YTHDC2: variants seen among roughly 807,000 people sequenced by gnomAD.
YTHDC2 encodes YTH N6-methyladenosine RNA binding protein C2, also known as 3'-5' RNA helicase YTHDC2.
YTHDC2 carries 45 observed loss-of-function variants against 174.9 expected under a neutral mutation model. The ratio of observed to expected loss-of-function variants is 0.26; its 90% confidence interval spans 0.20 to 0.33. The LOEUF is 0.33. Ranked by LOEUF, YTHDC2 falls within the 10% of genes least tolerant of loss-of-function variation. The pLI, the probability that YTHDC2 is intolerant of heterozygous loss-of-function variation, is 1.00. For missense variants in YTHDC2, 1,650 were observed against 1,723.7 expected, an observed-to-expected ratio of 0.96 and a Z score of 0.76; for synonymous variants, 657 against 574.5, an observed-to-expected ratio of 1.14 and a Z score of -2.05.
chr5:113,563,250 G>T, intron 18 of YTHDC2, 123 bp from the exon 19 acceptor site: 2 of 789,878 alleles, frequency 2.5e-6, no homozygotes, highest in East Asian at 2.8e-5. Flanking sequence ...TCCTTCTACT[G>T]TTCATTCTAA....
intron 26 of YTHDC2, among the ~76,000 whole-genome samples, chr5:113,590,628 C>T (rs1459706819): frequency 6.6e-6 from 1 of 152,222 alleles, no homozygotes; most frequent in Non-Finnish European, 1.5e-5. Flanking sequence ...ACTTCGGTCT[C>T]TGAACTCCAG....
intron 26 of YTHDC2, among the ~76,000 whole-genome samples, chr5:113,589,395 T>TAAAA (rs1156968093): frequency 8.7e-5 from 10 of 114,456 alleles, no homozygotes; most frequent in African/African-American, 2.9e-4. Context: ...TTTTAAAAAT[T>TAAAA]AAAAAAAAAA....
intron 12 of YTHDC2, among the ~76,000 whole-genome samples, chr5:113,552,785 A>C (rs1288770961): frequency 3.9e-5 from 6 of 152,090 alleles, no homozygotes; most frequent in African/African-American, 1.2e-4. Context: ...CCAGCAATGC[A>C]TGAGGGTTTA....
rs1372554182 is a variant in YTHDC2, at chr5:113,595,018, T to C, written c.*1544T>C. ...ATTATATTCCACTGTATGTGTATTA[T>C]GGCTCTTTTCCTATTAGAGCAACTT... On this transcript the variant is annotated 3_prime_UTR_variant, in exon 30 of 30. Coordinates refer to ENST00000161863, the MANE Select transcript of YTHDC2 (RefSeq NM_022828.5). The C allele has an allele frequency of 6.6e-6, 1 of 152,178 alleles. No homozygotes were observed. The allele number at this position is 152,178 out of a possible 1,614,324, so 9.4% of individuals were successfully genotyped here.
chr5:113,592,211 T>A, intron 28 of YTHDC2, 33 bp downstream of exon 28: 1 of 1,513,932 alleles, frequency 6.6e-7, no homozygotes, highest in Non-Finnish European at 8.9e-7. Context: ...TTATTTACTT[T>A]TGTTTCTGTT....
Position 113,567,252 on chromosome 5 carries a change from A to G in YTHDC2, c.3003A>G (p.Val1001=). The change falls in exon 22 of 30, where the codon GTA becomes GTG. Residue 1001 remains valine, a synonymous_variant. Coordinates refer to ENST00000161863, the MANE Select transcript of YTHDC2 (RefSeq NM_022828.5). ...LVLTGPKEKK[V]RFHPASVLSQ... ...TGACAGGGCCAAAGGAGAAAAAAGT[A>G]CGATTTCATCCTGCTTCAGTTCTCA... The G allele has an allele frequency of 6.2e-7, 1 of 1,613,290 alleles. No individual in the cohort carries two copies. The highest frequency in any genetic ancestry group is 1.1e-5 in the South Asian group (1 of 90,934).
intron 28 of YTHDC2, 54 bp from the exon 29 acceptor site, chr5:113,593,248 TA>T: frequency 7.1e-7 from 1 of 1,418,330 alleles, no homozygotes; most frequent in Non-Finnish European, 9.9e-7. Flanking sequence ...TTTTGGTCAT[TA>T]AAAATTTTCA....
At chr5:113,581,749 T>G (rs1222874670) in intron 25 of YTHDC2, 40 bp downstream of exon 25, 7 of 1,405,524 alleles carry the variant, frequency 5.0e-6, no homozygotes, top group Non-Finnish European at 6.5e-6. Flanking sequence ...TCACTTTTTA[T>G]TCAGGAAAAT....
chr5:113,561,276 C>T (rs1358526236), intron 18 of YTHDC2, 91 bp downstream of exon 18: 1 of 956,672 alleles, frequency 1.0e-6, no homozygotes, highest in East Asian at 2.7e-5. Flanking sequence ...TTTAAAAAAT[C>T]AATTTGTAAA....
Position 113,554,032 on chromosome 5 carries a change from G to A in YTHDC2, c.2133+10G>A. The A allele has an allele frequency of 1.3e-6, 2 of 1,506,640 alleles. No individual in the cohort carries two copies. The highest frequency in any genetic ancestry group is 2.3e-5 in the East Asian group (1 of 42,850). 93.3% of individuals were successfully genotyped at this position (1,506,640 alleles called of 1,614,324 possible). On this transcript the variant is annotated intron_variant, in intron 16 of 29. Transcript: ENST00000161863. ...TGGTAAGGTGAAAGAGGTATGTATG[G>A]GTAAGTTGTAGTTTTACTTAAATGA...
chr5:113,538,653 C>G (rs971889592), intron 7 of YTHDC2, among the ~76,000 whole-genome samples: 1 of 152,014 alleles, frequency 6.6e-6, no homozygotes, highest in Non-Finnish European at 1.5e-5. Flanking sequence ...GTCAAATCCC[C>G]CGTTACATAC....
chr5:113,531,666 C>T (rs746666677), intron 4 of YTHDC2, among the ~76,000 whole-genome samples: 29 of 151,766 alleles, frequency 1.9e-4, no homozygotes, highest in East Asian at 5.8e-4. Context: ...TCATCCTGAC[C>T]GAGCCCCCAC....
At chr5:113,578,369 TTTG>T (rs1778197058) in intron 23 of YTHDC2, among the ~76,000 whole-genome samples, 1 of 113,156 alleles carries the variant, frequency 8.8e-6, no homozygotes, top group Non-Finnish European at 2.0e-5. Flanking sequence ...CATAGAAGGT[TTTG>T]TTTTGTTTTG....
At position 113,564,055 on chromosome 5, in the gene YTHDC2, G is replaced by C; in HGVS notation, c.2639G>C (p.Arg880Pro). Residue 880 changes from arginine to proline, a missense_variant, in exon 20 of 30, where the codon CGT becomes CCT. This residue lies in a region of YTHDC2 where 913 missense variants were observed against 940.4 expected (regional missense o/e 0.97). Coordinates refer to ENST00000161863, the MANE Select transcript of YTHDC2 (RefSeq NM_022828.5). Reference protein sequence around the residue: ...FVLPTQASQKRAAMLCRKRFT... With the variant: ...FVLPTQASQKPAAMLCRKRFT... ...CTACCTACTCAGGCCTCTCAAAAAC[G>C]TGCAGCTATGCTTTGTAGGAAACGT... 6.2e-7 allele frequency: 1 copy of C among 1,614,098 alleles called. No homozygotes were observed. Among genetic ancestry groups the C allele is most frequent in the Non-Finnish European group, 8.5e-7 (1 of 1,180,016 alleles).
chr5:113,515,554 C>A (rs931080904), intron 2 of YTHDC2, among the ~76,000 whole-genome samples, 192 bp downstream of exon 2: 5 of 152,144 alleles, frequency 3.3e-5, no homozygotes, highest in Non-Finnish European at 4.4e-5. Flanking sequence ...CCTCTTCCCC[C>A]CTTTTTTGTT....
chr5:113,537,234 T>C (rs1158060365), intron 7 of YTHDC2, among the ~76,000 whole-genome samples: 1 of 152,190 alleles, frequency 6.6e-6, no homozygotes, highest in Non-Finnish European at 1.5e-5. Context: ...CTGAAGTGTA[T>C]AAGGCTATTT....
intron 20 of YTHDC2, among the ~76,000 whole-genome samples, chr5:113,565,546 C>G (rs1157134325): frequency 6.6e-6 from 1 of 152,096 alleles, no homozygotes; most frequent in Non-Finnish European, 1.5e-5. Context: ...AAGAGTGGCA[C>G]GATTCTTAGA....
intron 18 of YTHDC2, among the ~76,000 whole-genome samples, chr5:113,561,838 T>C (rs1776996820): frequency 6.6e-6 from 1 of 152,112 alleles, no homozygotes; most frequent in Non-Finnish European, 1.5e-5. Flanking sequence ...TCAGAGGGAT[T>C]AGCAAACAAA....
At chr5:113,532,788 C>G in intron 4 of YTHDC2, 91 bp from the exon 5 acceptor site, 3 of 1,197,470 alleles carry the variant, frequency 2.5e-6, no homozygotes, top group Non-Finnish European at 3.5e-6. Flanking sequence ...TGTTATAGAA[C>G]TTCAATTCTA....
Sources: allele counts gnomAD v4.1 joint callset (sites outside exome capture counted in the v4.1 genomes callset), GRCh38; gene constraint gnomAD v4.1.1; regional missense constraint gnomAD v4.1.1; transcripts MANE v1.5; gene names NCBI Gene and HGNC (gene_info 2026-07-23, HGNC 2026-07-21).